Variants in KIF6 observed in about 807,000 individuals in gnomAD.
KIF6 encodes the protein kinesin-like protein KIF6.
A neutral mutation model predicts 112.7 loss-of-function variants in KIF6; 106 were observed. The ratio of observed to expected loss-of-function variants is 0.94; its 90% confidence interval spans 0.80 to 1.11. The LOEUF (loss-of-function observed/expected upper bound fraction) is 1.11. Among genes scored for constraint, KIF6 ranks in the 50% least tolerant of loss-of-function variants. KIF6 has a pLI of 0.00. For missense variants in KIF6, 929 were observed against 964.0 expected, an observed-to-expected ratio of 0.96 and a Z score of 0.48; for synonymous variants, 339 against 339.9, an observed-to-expected ratio of 1.00 and a Z score of 0.03.
In KIF6 at chr6:39,446,605, T is replaced by G. The variant is rs555211876; in HGVS notation, c.1646-15444A>C. Among the ~76,000 whole-genome samples the G allele has an allele frequency of 3.9e-5, 6 of 152,328 alleles. No homozygotes were observed. The East Asian group carries it at 1.2e-3, about 29-fold the overall frequency. On this transcript the variant is annotated intron_variant, in intron 13 of 22. Coordinates refer to ENST00000287152, the MANE Select transcript of KIF6 (RefSeq NM_145027.6). ...ACTTCCCAGGTTCAAGCAATTCTCC[T>G]GCCTCAGCTTCCTGAGCAGCTGGGA... is the stretch of plus-strand genomic sequence containing the variant.
chr6:39,634,858 TCCAAA>T lies in KIF6; in HGVS notation c.495_499del (p.Ser165ArgfsTer13). ...TTGTTCTGCTACTCACGGCAAATCT[TCCAAA>T]CTGGAGGCTTCATGTCTTGGATCCA... On this transcript the variant is annotated frameshift_variant, in exon 5 of 23. Coordinates refer to ENST00000287152, the MANE Select transcript of KIF6 (RefSeq NM_145027.6). LOFTEE classifies it high-confidence loss of function. 4 of 1,597,866 alleles carry T rather than the reference TCCAAA, an allele frequency of 2.5e-6. No individual in the cohort carries two copies. The highest frequency in any genetic ancestry group is 3.4e-6 in the Non-Finnish European group (4 of 1,165,502).
chr6:39,665,769 T>C (rs142180792), intron 3 of KIF6, among the ~76,000 whole-genome samples: 1 of 152,272 alleles, frequency 6.6e-6, no homozygotes, highest in African/African-American at 2.4e-5. Context: ...TCACATTAAT[T>C]TTCTATGTGA....
intron 13 of KIF6, among the ~76,000 whole-genome samples, chr6:39,478,745 C>T (rs992558464): frequency 8.0e-5 from 12 of 149,718 alleles, no homozygotes; most frequent in Non-Finnish European, 1.0e-4. Context: ...CCCTGTTCAC[C>T]GCATCCATGC....
intron 5 of KIF6, among the ~76,000 whole-genome samples, chr6:39,622,931 T>G (rs1390060358): frequency 6.6e-6 from 1 of 152,174 alleles, no homozygotes; most frequent in Non-Finnish European, 1.5e-5. Flanking sequence ...CTGCCTATTT[T>G]TAGAATCTTT....
intron 3 of KIF6, among the ~76,000 whole-genome samples, chr6:39,680,552 CAGAT>C (rs1439117622): frequency 1.3e-5 from 2 of 152,112 alleles, no homozygotes; most frequent in South Asian, 2.1e-4. Flanking sequence ...ACCTTTCTCA[CAGAT>C]AGATAGTAGA....
intron 3 of KIF6, among the ~76,000 whole-genome samples, chr6:39,657,612 A>G (rs753691752): frequency 6.6e-6 from 1 of 152,236 alleles, no homozygotes; most frequent in Non-Finnish European, 1.5e-5. Flanking sequence ...AGTAAAGTAA[A>G]TATCACAGAC....
At chr6:39,546,443 C>A (rs961361122) in intron 10 of KIF6, among the ~76,000 whole-genome samples, 2 of 152,148 alleles carry the variant, frequency 1.3e-5, no homozygotes, top group Non-Finnish European at 2.9e-5. Context: ...TCTTTGCTTA[C>A]AATCATGTTG....
At chr6:39,429,907 CA>C (rs34662235) in intron 14 of KIF6, among the ~76,000 whole-genome samples, 1,456 of 141,002 alleles carry the variant, frequency 0.01, 19 homozygotes, top group African/African-American at 0.033. Flanking sequence ...GACTCTGTCT[CA>C]AAAAAAAAAA....
intron 10 of KIF6, among the ~76,000 whole-genome samples, chr6:39,556,156 A>G (rs1186842305): frequency 6.6e-6 from 1 of 152,214 alleles, no homozygotes; most frequent in Non-Finnish European, 1.5e-5. Flanking sequence ...CTCCCTCTTT[A>G]AATTCTACAT....
At chr6:39,712,433 G>C (rs553760827) in intron 3 of KIF6, among the ~76,000 whole-genome samples, 1 of 152,182 alleles carries the variant, frequency 6.6e-6, no homozygotes, top group East Asian at 1.9e-4. Context: ...TTGGATAAAA[G>C]TGCTCTTGCC....
intron 19 of KIF6, among the ~76,000 whole-genome samples, chr6:39,353,081 G>T (rs1043091178): frequency 6.6e-6 from 1 of 152,058 alleles, no homozygotes; most frequent in Non-Finnish European, 1.5e-5. Flanking sequence ...TAACTAAAAT[G>T]CAATTGCTGG....
chr6:39,487,448 G>A (rs1266164163), intron 13 of KIF6, among the ~76,000 whole-genome samples: 1 of 152,170 alleles, frequency 6.6e-6, no homozygotes, highest in East Asian at 1.9e-4. Context: ...GGCCAGCTCT[G>A]GAAGGCCACC....
At chr6:39,639,851 T>C (rs377046069) in intron 3 of KIF6, 94 bp from the exon 4 acceptor site, 1 of 1,093,562 alleles carries the variant, frequency 9.1e-7, no homozygotes, top group Non-Finnish European at 1.3e-6. Context: ...TATTAAACAC[T>C]ATTAAAAAAA....
chr6:39,391,137 C>G (rs1479578328), intron 15 of KIF6, among the ~76,000 whole-genome samples: 3 of 152,154 alleles, frequency 2.0e-5, no homozygotes, highest in Non-Finnish European at 4.4e-5. Context: ...AGAAAAGAGA[C>G]TATCAGGAAG....
chr6:39,722,395 T>A (rs1188429333), intron 1 of KIF6, among the ~76,000 whole-genome samples: 2 of 152,120 alleles, frequency 1.3e-5, no homozygotes, highest in Non-Finnish European at 2.9e-5. Flanking sequence ...TCCTTATTCA[T>A]AAAAATATTA....
intron 13 of KIF6, among the ~76,000 whole-genome samples, chr6:39,441,914 C>A (rs1183902854): frequency 6.6e-6 from 1 of 152,210 alleles, no homozygotes; most frequent in Non-Finnish European, 1.5e-5. Flanking sequence ...GTTCTGAGGG[C>A]TGGCTTGGAC....
At chr6:39,407,734 A>G (rs2150348312) in intron 15 of KIF6, among the ~76,000 whole-genome samples, 1 of 152,360 alleles carries the variant, frequency 6.6e-6, no homozygotes, top group South Asian at 2.1e-4. Context: ...ATCTGTATGC[A>G]GGAGTCATTT....
intron 6 of KIF6, among the ~76,000 whole-genome samples, chr6:39,607,717 C>A (rs142603625): frequency 6.6e-6 from 1 of 152,120 alleles, no homozygotes; most frequent in African/African-American, 2.4e-5. Context: ...AGAGCCACTG[C>A]GCCCTGCTAA....
chr6:39,388,407 A>G (rs1767599613), intron 15 of KIF6, among the ~76,000 whole-genome samples: 1 of 152,140 alleles, frequency 6.6e-6, no homozygotes, highest in Non-Finnish European at 1.5e-5. Flanking sequence ...CTCTCAGAAC[A>G]ACGAGGCACC....
Sources: gnomAD v4.1 joint callset for allele counts (sites outside exome capture counted in the v4.1 genomes callset) on GRCh38, gnomAD v4.1.1 for gene constraint, MANE v1.5 for transcripts, NCBI Gene and HGNC (gene_info 2026-07-23, HGNC 2026-07-21) for gene names.